Variants in TPX2 observed in about 807,000 individuals in gnomAD.
The protein encoded by TPX2 is targeting protein for Xklp2.
Under a neutral mutation model 93.6 loss-of-function variants are expected in TPX2, and 21 were observed. The observed-to-expected ratio is 0.22, with a 90% CI of 0.16 to 0.32. The LOEUF (loss-of-function observed/expected upper bound fraction) is 0.32, where lower values mean the gene tolerates loss of function less well. Ranked by LOEUF, TPX2 falls within the 10% of genes least tolerant of loss-of-function variation. The probability of loss-of-function intolerance (pLI) is 1.00; values close to 1 mark genes in which losing one functional copy is unlikely to be tolerated. For missense variants in TPX2, 776 were observed against 871.1 expected, an observed-to-expected ratio of 0.89 and a Z score of 1.37; for synonymous variants, 281 against 298.3, an observed-to-expected ratio of 0.94 and a Z score of 0.60.
chr20:31,747,118 AT>A (rs78298056), intron 2 of TPX2, among the ~76,000 whole-genome samples: 2 of 151,116 alleles, frequency 1.3e-5, no homozygotes, highest in Admixed American at 1.3e-4. Context: ...GAGGGAAGAG[AT>A]TTTTTTTTGT....
At chr20:31,747,375 C>T (rs1350041119) in intron 2 of TPX2, among the ~76,000 whole-genome samples, 1 of 152,188 alleles carries the variant, frequency 6.6e-6, no homozygotes. Context: ...GCCTTGGCCT[C>T]CCAAAGTACT....
intron 15 of TPX2, among the ~76,000 whole-genome samples, chr20:31,795,595 G>A (rs1178338492): frequency 1.3e-5 from 2 of 152,236 alleles, no homozygotes; most frequent in Non-Finnish European, 2.9e-5. Flanking sequence ...TGTGGGAACC[G>A]ACAGGCTTTT....
intron 2 of TPX2, among the ~76,000 whole-genome samples, chr20:31,755,515 C>T (rs1314656813): frequency 6.6e-6 from 1 of 151,656 alleles, no homozygotes; most frequent in Non-Finnish European, 1.5e-5. Flanking sequence ...CGCGGTGGCT[C>T]ACACTTGGGA....
chr20:31,775,772 C>A (rs945257182), intron 7 of TPX2, 95 bp from the exon 8 acceptor site: 3 of 1,247,780 alleles, frequency 2.4e-6, no homozygotes, highest in African/African-American at 3.1e-5. Flanking sequence ...TATCTTATCA[C>A]AGGTTAAAAA....
intron 3 of TPX2, among the ~76,000 whole-genome samples, chr20:31,758,058 A>G (rs1197978290): frequency 1.3e-5 from 2 of 151,106 alleles, no homozygotes; most frequent in African/African-American, 2.4e-5. Context: ...TGTGTCTACC[A>G]TCACAGTCAA....
intron 4 of TPX2, among the ~76,000 whole-genome samples, chr20:31,765,676 T>C (rs574312631): frequency 7.9e-5 from 12 of 152,350 alleles, no homozygotes; most frequent in African/African-American, 2.9e-4. Context: ...ATTATATAAA[T>C]ATTGTTCAAT....
At chr20:31,757,243 G>C (rs2061857853) in intron 2 of TPX2, among the ~76,000 whole-genome samples, 164 bp from the exon 3 acceptor site, 1 of 152,002 alleles carries the variant, frequency 6.6e-6, no homozygotes, top group Non-Finnish European at 1.5e-5. Flanking sequence ...CTACCTCAAG[G>C]AGTATCTTTA....
At chr20:31,742,776 A>C (rs1208989498) in intron 2 of TPX2, 129 bp downstream of exon 2, 1 of 152,252 alleles carries the variant, frequency 6.6e-6, no homozygotes, top group Non-Finnish European at 1.5e-5. Flanking sequence ...AAGCAAAAAG[A>C]AAATAAAATC....
intron 12 of TPX2, 88 bp downstream of exon 12, chr20:31,784,009 T>C: frequency 1.4e-6 from 2 of 1,393,288 alleles, no homozygotes; most frequent in East Asian, 2.3e-5. Context: ...GTAGATATTA[T>C]GAGCAGGGCA....
intron 15 of TPX2, among the ~76,000 whole-genome samples, chr20:31,795,877 T>C (rs1432626888): frequency 2.0e-5 from 3 of 152,252 alleles, no homozygotes; most frequent in Non-Finnish European, 4.4e-5. Flanking sequence ...TTTGGATTTT[T>C]ATGTCATCAT....
chr20:31,755,301 C>T (rs565848350), intron 2 of TPX2, among the ~76,000 whole-genome samples: 28 of 148,690 alleles, frequency 1.9e-4, no homozygotes, highest in African/African-American at 6.9e-4. Context: ...CCAGGCTGGT[C>T]TCAAACTCCT....
chr20:31,756,331 T>A (rs907960414), intron 2 of TPX2, among the ~76,000 whole-genome samples: 1 of 152,218 alleles, frequency 6.6e-6, no homozygotes, highest in Non-Finnish European at 1.5e-5. Flanking sequence ...GCAACAATTT[T>A]GTATGATAGG....
At chr20:31,758,111 C>T (rs6060929) in intron 3 of TPX2, among the ~76,000 whole-genome samples, 41,656 of 148,582 alleles carry the variant, frequency 0.28, 7,199 homozygotes, top group African/African-American at 0.48. Context: ...CCACCCCTCC[C>T]TCAATTCATT....
intron 4 of TPX2, 55 bp downstream of exon 4, chr20:31,760,234 A>G: frequency 1.2e-6 from 2 of 1,603,394 alleles, no homozygotes. Flanking sequence ...ACAGTGTTTT[A>G]GAAGCCTGAG....
intron 13 of TPX2, 93 bp from the exon 14 acceptor site, chr20:31,793,755 G>C: frequency 8.3e-7 from 1 of 1,202,930 alleles, no homozygotes; most frequent in Non-Finnish European, 1.1e-6. Flanking sequence ...TTTAATTAAT[G>C]CCACATATTA....
At chr20:31,750,252 G>A (rs925361920) in intron 2 of TPX2, among the ~76,000 whole-genome samples, 5 of 151,790 alleles carry the variant, frequency 3.3e-5, no homozygotes, top group Admixed American at 6.6e-5. Context: ...CCACCCCCCA[G>A]GTTCAAGCAA....
chr20:31,777,432 A>G, intron 8 of TPX2, 55 bp from the exon 9 acceptor site: 1 of 1,576,220 alleles, frequency 6.3e-7, no homozygotes, highest in East Asian at 2.3e-5. Context: ...AAGGGGATTT[A>G]CTGGTGTTCC....
At chr20:31,788,735 C>T (rs886470988) in intron 12 of TPX2, among the ~76,000 whole-genome samples, 1 of 152,072 alleles carries the variant, frequency 6.6e-6, no homozygotes, top group Non-Finnish European at 1.5e-5. Flanking sequence ...GCCTTGAGCA[C>T]GAGGGTGTGA....
In TPX2 at chr20:31,777,557, A is replaced by C; in HGVS notation, c.801A>C (p.Arg267=). ...SVDFHFRTDE[R]IKQHPKNQEE... Reference sequence around the variant, plus strand: ...ACTTCCACTTCCGCACAGATGAGCGAATCAAACAACATCCTAAGAACCAGG... The same window carrying C: ...ACTTCCACTTCCGCACAGATGAGCGCATCAAACAACATCCTAAGAACCAGG... Residue 267 remains arginine, a synonymous_variant, in exon 9 of 18, where the codon CGA becomes CGC. Transcript: ENST00000300403. 6.2e-7 allele frequency: 1 copy of C among 1,614,222 alleles called. No homozygotes were observed.
Sources: allele counts gnomAD v4.1 joint callset (sites outside exome capture counted in the v4.1 genomes callset), GRCh38; gene constraint gnomAD v4.1.1; transcripts MANE v1.5; gene names NCBI Gene and HGNC (gene_info 2026-07-23, HGNC 2026-07-21).